The following PPP1R17 variants were observed in gnomAD, a reference collection of about 807,000 sequenced individuals.
PPP1R17 encodes protein phosphatase 1 regulatory subunit 17.
In PPP1R17, 12 loss-of-function variants were observed where a neutral mutation model predicts 15.9. That is an observed-to-expected ratio of 0.75 (90% CI 0.48 to 1.22). PPP1R17 has a LOEUF of 1.22. Among genes scored for constraint, PPP1R17 ranks in the 50% most tolerant of loss-of-function variants. PPP1R17 has a pLI of 0.00. For synonymous variants in PPP1R17, 63 were observed against 64.5 expected, an observed-to-expected ratio of 0.98 and a Z score of 0.11; for missense variants, 211 against 187.3, an observed-to-expected ratio of 1.13 and a Z score of -0.74.
chr7:31,694,841 G>A (rs1004802009), intron 2 of PPP1R17, among the ~76,000 whole-genome samples: 1 of 152,162 alleles, frequency 6.6e-6, no homozygotes, highest in East Asian at 1.9e-4. Context: ...AGCTCTGGTG[G>A]GGTAATGCAG....
At chr7:31,693,711 A>C (rs2128239720) in intron 2 of PPP1R17, among the ~76,000 whole-genome samples, 1 of 152,352 alleles carries the variant, frequency 6.6e-6, no homozygotes, top group Non-Finnish European at 1.5e-5. Context: ...TTGCATCTAG[A>C]CCCACCAAGG....
chr7:31,694,935 G>A (rs994469665), intron 2 of PPP1R17, among the ~76,000 whole-genome samples: 10 of 152,296 alleles, frequency 6.6e-5, no homozygotes, highest in African/African-American at 1.7e-4. Flanking sequence ...ACAAAGCCAG[G>A]AACGGTGAAA....
Position 31,695,543 on chromosome 7 carries a change from A to G in PPP1R17, c.157A>G (p.Thr53Ala), listed in dbSNP as rs1363305771. ...TAGAAAGGGAAAAAATGTACAGGCC[A>G]CCCTGAATGTTGAGTCAGACCAAAA... Reference protein sequence around the residue: ...KPRKGKNVQATLNVESDQKKP... With the variant: ...KPRKGKNVQAALNVESDQKKP... Residue 53 changes from threonine (T) to alanine (A), a missense_variant, in exon 3 of 5, where the codon ACC becomes GCC. By Grantham distance (58) the Thr-to-Ala change is moderately conservative (BLOSUM62 0). Transcript: ENST00000342032. 4 of 1,613,790 alleles carry G rather than the reference A, an allele frequency of 2.5e-6. No individual in the cohort carries two copies. Among genetic ancestry groups the G allele is most frequent in the Non-Finnish European group, 2.5e-6 (3 of 1,179,938 alleles).
At chr7:31,698,529 G>T (rs1288184816) in intron 4 of PPP1R17, among the ~76,000 whole-genome samples, 2 of 152,192 alleles carry the variant, frequency 1.3e-5, no homozygotes, top group East Asian at 1.9e-4. Flanking sequence ...CTGACTACAT[G>T]CAAGCTTCTG....
intron 2 of PPP1R17, 92 bp from the exon 3 acceptor site, chr7:31,695,377 C>A: frequency 8.4e-7 from 1 of 1,196,392 alleles, no homozygotes; most frequent in Non-Finnish European, 1.2e-6. Context: ...CACCTCTGTC[C>A]TGTCATCAAG....
chr7:31,697,336 T>C (rs1244999183), intron 4 of PPP1R17, among the ~76,000 whole-genome samples: 3 of 152,166 alleles, frequency 2.0e-5, no homozygotes, highest in Non-Finnish European at 4.4e-5. Flanking sequence ...GTCAGAGCAT[T>C]ACTCATGCCT....
chr7:31,706,943 T>G (rs1431420518), intron 4 of PPP1R17, among the ~76,000 whole-genome samples: 1 of 152,190 alleles, frequency 6.6e-6, no homozygotes, highest in Non-Finnish European at 1.5e-5. Context: ...GGAGCAGAAC[T>G]TAAAGAAGAG....
At chr7:31,696,492 AATTTCACTGTAGC>A (rs1792588813) in intron 3 of PPP1R17, among the ~76,000 whole-genome samples, 1 of 152,154 alleles carries the variant, frequency 6.6e-6, no homozygotes, top group Non-Finnish European at 1.5e-5. Context: ...AATGGAGAAA[AATTTCACTGTAGC>A]ATAGAGGTGA....
chr7:31,702,079 T>C lies in PPP1R17; in HGVS notation c.388+4962T>C, dbSNP rs116530028. Among the ~76,000 whole-genome samples, 1,260 of 152,332 alleles carry C rather than the reference T, an allele frequency of 8.3e-3. 13 individuals are homozygous for C. The highest frequency in any genetic ancestry group is 0.029 in the African/African-American group (1,186 of 41,582). On this transcript the variant is annotated intron_variant, in intron 4 of 4. Transcript: ENST00000342032. ...TGTATAACCCAGATCTGATCTATTT[T>C]CCATGGATCTTTTTCTGGTACTACC...
chr7:31,699,081 A>C lies in PPP1R17; in HGVS notation c.388+1964A>C, dbSNP rs979143339. Among the ~76,000 whole-genome samples, 7 of 152,176 alleles carry C rather than the reference A, an allele frequency of 4.6e-5. No homozygotes were observed. The South Asian group carries it at 1.0e-3, about 22-fold the overall frequency. ...ATATTCTAGGTGGGAGAGATAATTA[A>C]ATATTTGGTGCTAAAGCAGGGAAAA... On this transcript the variant is annotated intron_variant, in intron 4 of 4. Coordinates refer to ENST00000342032, the MANE Select transcript of PPP1R17 (RefSeq NM_006658.5).
intron 4 of PPP1R17, among the ~76,000 whole-genome samples, chr7:31,701,697 C>T (rs952077880): frequency 6.6e-6 from 1 of 152,240 alleles, no homozygotes; most frequent in African/African-American, 2.4e-5. Flanking sequence ...GAGATTGCCA[C>T]AGCCACCTAA....
chr7:31,693,789 A>G (rs563040537), intron 2 of PPP1R17, among the ~76,000 whole-genome samples: 1 of 152,358 alleles, frequency 6.6e-6, no homozygotes, highest in South Asian at 2.1e-4. Flanking sequence ...GAAAGAGAGA[A>G]ATTTACCTGA....
intron 4 of PPP1R17, among the ~76,000 whole-genome samples, chr7:31,698,931 GATATCTTT>G (rs1792727710): frequency 6.6e-6 from 1 of 152,188 alleles, no homozygotes; most frequent in African/African-American, 2.4e-5. Context: ...CTAAGGCAGT[GATATCTTT>G]AGCTTTTGCT....
chr7:31,701,337 G>C (rs1221885360), intron 4 of PPP1R17, among the ~76,000 whole-genome samples: 2 of 152,200 alleles, frequency 1.3e-5, no homozygotes, highest in Admixed American at 1.3e-4. Context: ...AATAGCAAGA[G>C]AATTAGAATT....
At position 31,707,380 on chromosome 7, in the gene PPP1R17, T is replaced by C. The variant is rs1793113088; in HGVS notation, c.*97T>C. 9.5e-7 allele frequency: 1 copy of C among 1,058,036 alleles called. No individual in the cohort carries two copies. The highest frequency in any genetic ancestry group is 1.4e-6 in the Non-Finnish European group (1 of 731,596). 65.5% of individuals were successfully genotyped at this position (1,058,036 alleles called of 1,614,324 possible). On this transcript the variant is annotated 3_prime_UTR_variant, in exon 5 of 5. Coordinates refer to ENST00000342032, the MANE Select transcript of PPP1R17 (RefSeq NM_006658.5). ...CTTGTTTCTGCTCTCATTTTTGTCA[T>C]CGTCTGACTTGAAGATTCAGACACC...
chr7:31,705,970 A>G (rs1562706525), intron 4 of PPP1R17, among the ~76,000 whole-genome samples: 1 of 133,530 alleles, frequency 7.5e-6, no homozygotes, highest in Non-Finnish European at 1.6e-5. Context: ...AGACTTCTGA[A>G]TTTCACAGAC....
intron 4 of PPP1R17, among the ~76,000 whole-genome samples, chr7:31,698,958 A>G (rs1401191754): frequency 1.3e-5 from 2 of 152,210 alleles, no homozygotes; most frequent in Non-Finnish European, 2.9e-5. Flanking sequence ...CTCAGTCAAT[A>G]TTTATTGAGT....
At chr7:31,706,523 C>T (rs1255821723) in intron 4 of PPP1R17, among the ~76,000 whole-genome samples, 1 of 152,144 alleles carries the variant, frequency 6.6e-6, no homozygotes, top group African/African-American at 2.4e-5. Context: ...GTACACTTTC[C>T]TTATTTTCTC....
In PPP1R17 at chr7:31,708,187, G is replaced by C. The variant is rs1352619250; in HGVS notation, c.*904G>C. 6.6e-6 allele frequency: 1 copy of C among 152,172 alleles called. No individual in the cohort carries two copies. Among genetic ancestry groups the C allele is most frequent in the Non-Finnish European group, 1.5e-5 (1 of 68,032 alleles). 9.4% of individuals were successfully genotyped at this position (152,172 alleles called of 1,614,324 possible). ...GTGTGGTGTTAGCTAGTGAGCAGAG[G>C]TCTGTATATTGTCCTTGCCCCAGCC... On this transcript the variant is annotated 3_prime_UTR_variant, in exon 5 of 5. Coordinates refer to ENST00000342032, the MANE Select transcript of PPP1R17 (RefSeq NM_006658.5).
Sources: gnomAD v4.1 joint callset for allele counts (sites outside exome capture counted in the v4.1 genomes callset) on GRCh38, gnomAD v4.1.1 for gene constraint, MANE v1.5 for transcripts, NCBI Gene and HGNC (gene_info 2026-07-23, HGNC 2026-07-21) for gene names.